FALEC: variants seen among roughly 807,000 people sequenced by gnomAD.
FALEC encodes the protein focally amplified lncRNA on chromosome 1.
downstream of FALEC, among the ~76,000 whole-genome samples, chr1:150,520,598 G>A (rs999758340): frequency 5.9e-5 from 9 of 151,742 alleles, no homozygotes; most frequent in African/African-American, 1.9e-4. Context: ...ATGGACATTT[G>A]GGTCGTTTTC....
chr1:150,523,558 G>A, the FALEC span, among the ~76,000 whole-genome samples: 1 of 151,252 alleles, frequency 6.6e-6, no homozygotes, highest in Admixed American at 6.6e-5. Context: ...GGAGGCTGAG[G>A]CAGGAGAATG....
At chr1:150,529,637 A>G in the FALEC span, among the ~76,000 whole-genome samples, 1 of 149,582 alleles carries the variant, frequency 6.7e-6, no homozygotes, top group African/African-American at 2.5e-5. Context: ...TCGCTCTGTC[A>G]CCCAGGCTGG....
the FALEC span, among the ~76,000 whole-genome samples, chr1:150,530,646 A>G: frequency 6.6e-6 from 1 of 152,150 alleles, no homozygotes; most frequent in Non-Finnish European, 1.5e-5. Flanking sequence ...GTCACAACCC[A>G]GCAGGCACCT....
the FALEC span, among the ~76,000 whole-genome samples, chr1:150,535,706 AGCCAGTTG>A: frequency 6.6e-6 from 1 of 152,216 alleles, no homozygotes; most frequent in Non-Finnish European, 1.5e-5. Flanking sequence ...CCCTCCACAC[AGCCAGTTG>A]GCCAGGGAGC....
the FALEC span, among the ~76,000 whole-genome samples, chr1:150,534,033 G>A: frequency 0.02 from 3,044 of 152,270 alleles, 127 homozygotes; most frequent in African/African-American, 0.07. Flanking sequence ...CTGAAGTCTC[G>A]GCATGGCAGG....
At chr1:150,522,112 T>C (rs953829676), downstream of FALEC, among the ~76,000 whole-genome samples, 11 of 151,932 alleles carry the variant, frequency 7.2e-5, no homozygotes, top group Admixed American at 7.2e-4. Context: ...CTGGGTGTGG[T>C]GGCCTGTGCC....
the FALEC span, among the ~76,000 whole-genome samples, chr1:150,534,347 C>G: frequency 1.9e-4 from 29 of 152,210 alleles, no homozygotes; most frequent in Non-Finnish European, 3.8e-4. Context: ...GAGCATGCCC[C>G]AAGCTCTTCT....
rs61819392 is a variant in FALEC at position 150,516,705 on chromosome 1, G to A, written n.306+643G>A. 6.7e-3 allele frequency among the ~76,000 whole-genome samples: 1,028 copies of A among 152,306 alleles called. 3 individuals carry two copies. The highest frequency in any genetic ancestry group is 0.012 in the Admixed American group (186 of 15,284). Reference sequence around the variant, plus strand: ...GTCAGAGCTCCTAATTATTGGAGAGGCCAGGGAAAGCTTCACAGAATTCAA... The same window carrying A: ...GTCAGAGCTCCTAATTATTGGAGAGACCAGGGAAAGCTTCACAGAATTCAA... On this transcript the variant is annotated intron_variant and non_coding_transcript_variant, in intron 1 of 1. Coordinates refer to ENST00000416894, the Ensembl canonical transcript of FALEC.
At chr1:150,522,949 GTATATATATATATATA>G (rs1156284115), downstream of FALEC, among the ~76,000 whole-genome samples, 1 of 21,642 alleles carries the variant, frequency 4.6e-5, no homozygotes, top group Non-Finnish European at 8.3e-5. Context: ...GTGTGTGTGT[GTATATATATATATATA>G]TATATATATA....
At chr1:150,529,016 C>CAGAAA in the FALEC span, among the ~76,000 whole-genome samples, 19 of 59,290 alleles carry the variant, frequency 3.2e-4, no homozygotes, top group Non-Finnish European at 4.7e-4. Flanking sequence ...AAATAAATAG[C>CAGAAA]AAAAAAAAAA....
chr1:150,527,839 G>A, the FALEC span, among the ~76,000 whole-genome samples: 3 of 152,218 alleles, frequency 2.0e-5, no homozygotes, highest in South Asian at 6.2e-4. Context: ...GACGTAGCAA[G>A]GCTCCATCTC....
At chr1:150,522,876 C>T (rs1432819996), downstream of FALEC, among the ~76,000 whole-genome samples, 3 of 98,120 alleles carry the variant, frequency 3.1e-5, no homozygotes, top group African/African-American at 1.3e-4. Context: ...CGTATATATA[C>T]ATATATATAT....
At chr1:150,528,983 C>T in the FALEC span, among the ~76,000 whole-genome samples, 1 of 119,498 alleles carries the variant, frequency 8.4e-6, no homozygotes, top group Admixed American at 1.1e-4. Flanking sequence ...GAGCCTAGCC[C>T]AATGACAGGC....
chr1:150,526,241 T>A, the FALEC span, among the ~76,000 whole-genome samples: 2,059 of 148,844 alleles, frequency 0.014, 44 homozygotes, highest in African/African-American at 0.049. Flanking sequence ...TCCCAGCTAC[T>A]CAGGAGGCCA....
the FALEC span, among the ~76,000 whole-genome samples, chr1:150,524,854 G>A: frequency 6.6e-6 from 1 of 152,200 alleles, no homozygotes; most frequent in African/African-American, 2.4e-5. Flanking sequence ...AATTAGAGTG[G>A]TGTGGTGGTA....
At chr1:150,529,016 C>CAAAAAAAAAAAAACAAAAAAAAAAAAAA in the FALEC span, among the ~76,000 whole-genome samples, 1 of 59,292 alleles carries the variant, frequency 1.7e-5, no homozygotes, top group Non-Finnish European at 3.0e-5. Context: ...AAATAAATAG[C>CAAAAAAAAAAAAACAAAAAAAAAAAAAA]AAAAAAAAAA....
the FALEC span, among the ~76,000 whole-genome samples, chr1:150,528,009 C>A: frequency 0.011 from 1,713 of 152,072 alleles, 11 homozygotes; most frequent in Non-Finnish European, 0.015. Context: ...GTGGGGTCCT[C>A]GCTGTATTAT....
the FALEC span, among the ~76,000 whole-genome samples, chr1:150,529,576 T>C: frequency 1.2e-3 from 179 of 151,934 alleles, no homozygotes; most frequent in African/African-American, 4.3e-3. Flanking sequence ...GCAGGGCCCA[T>C]GGAAAGATTT....
chr1:150,526,349 CAAAAAAA>C, the FALEC span, among the ~76,000 whole-genome samples: 2 of 61,832 alleles, frequency 3.2e-5, no homozygotes, highest in Non-Finnish European at 6.5e-5. Context: ...AACTCCGTCT[CAAAAAAA>C]AAAAAAAAAA....
Sources: allele counts gnomAD v4.1 joint callset (sites outside exome capture counted in the v4.1 genomes callset), GRCh38; gene constraint gnomAD v4.1.1; transcripts MANE v1.5; gene names NCBI Gene and HGNC (gene_info 2026-07-23, HGNC 2026-07-21).